RARB: variants seen among roughly 807,000 people sequenced by gnomAD.
The protein encoded by RARB is HBV-activated protein.
Under a neutral mutation model 51.9 loss-of-function variants are expected in RARB, and 17 were observed. The observed-to-expected ratio is 0.33, with a 90% CI of 0.22 to 0.49. The LOEUF (loss-of-function observed/expected upper bound fraction) is 0.49. Ranked by LOEUF, RARB falls within the 20% of genes least tolerant of loss-of-function variation. The pLI is 0.99. For synonymous variants in RARB, 215 were observed against 195.4 expected (o/e 1.10, Z -0.84); for missense variants, 369 against 550.8 (o/e 0.67, Z 3.30).
chr3:25,225,683 A>T (rs1019635852), intron 5 of RARB, among the ~76,000 whole-genome samples: 1 of 152,216 alleles, frequency 6.6e-6, no homozygotes, highest in African/African-American at 2.4e-5. Flanking sequence ...ATGCAATATG[A>T]CAACTGGGTG....
chr3:25,206,874 A>G (rs1010745280), intron 5 of RARB, among the ~76,000 whole-genome samples: 2 of 152,158 alleles, frequency 1.3e-5, no homozygotes, highest in Non-Finnish European at 2.9e-5. Context: ...GCTAGAATCA[A>G]TTGTTAGTGC....
intron 2 of RARB, among the ~76,000 whole-genome samples, chr3:25,498,037 T>C (rs1697126348): frequency 6.6e-6 from 1 of 152,208 alleles, no homozygotes; most frequent in Non-Finnish European, 1.5e-5. Flanking sequence ...GCTCCTGGCC[T>C]GCAGCAGACA....
chr3:25,192,146 G>A (rs759647612), intron 5 of RARB, among the ~76,000 whole-genome samples: 21 of 152,060 alleles, frequency 1.4e-4, no homozygotes, highest in Non-Finnish European at 2.9e-4. Context: ...ATGATGTTGT[G>A]AATATCAGAA....
At chr3:25,582,272 T>C (rs938151242) in intron 5 of RARB, among the ~76,000 whole-genome samples, 1 of 152,188 alleles carries the variant, frequency 6.6e-6, no homozygotes, top group Non-Finnish European at 1.5e-5. Context: ...CTCAGTAGAA[T>C]TTCCCCTAAA....
At chr3:25,074,457 A>T (rs75409596) in intron 3 of RARB, among the ~76,000 whole-genome samples, 2,602 of 152,270 alleles carry the variant, frequency 0.017, 37 homozygotes, top group Middle Eastern at 0.034. Flanking sequence ...CTCTGTTCAC[A>T]CTGTTACTTG....
At chr3:25,205,996 G>A (rs1046965246) in intron 5 of RARB, among the ~76,000 whole-genome samples, 2 of 152,154 alleles carry the variant, frequency 1.3e-5, no homozygotes, top group Non-Finnish European at 2.9e-5. Flanking sequence ...AGTGTTCCAA[G>A]CATGTTTAAG....
chr3:25,406,744 G>A (rs1157889358), intron 5 of RARB, among the ~76,000 whole-genome samples: 7 of 152,214 alleles, frequency 4.6e-5, no homozygotes, highest in East Asian at 1.9e-4. Flanking sequence ...GAGAAAGGGC[G>A]TGTGCCTTAA....
intron 5 of RARB, among the ~76,000 whole-genome samples, chr3:25,337,177 C>T (rs925913914): frequency 6.6e-6 from 1 of 152,114 alleles, no homozygotes; most frequent in Non-Finnish European, 1.5e-5. Flanking sequence ...ATGGATATGT[C>T]AACCACTATT....
rs1385452358 is a variant in RARB, at chr3:25,163,501, C to CAA, written c.-279-10615_-279-10614dup. On this transcript the variant is annotated intron_variant, in intron 4 of 11. Coordinates refer to the RARB transcript ENST00000383772. ...GCCTGAGCAGAATAAGACCCTATCTCAAAATATATATATATATATATATAT... is the reference window on the plus strand; with the variant it reads ...GCCTGAGCAGAATAAGACCCTATCTCAAAAAATATATATATATATATATATAT... 3.1e-3 allele frequency among the ~76,000 whole-genome samples: 243 copies of CAA among 78,640 alleles called. 1 individual carries two copies. Among genetic ancestry groups the CAA allele is most frequent in the African/African-American group, 7.8e-3 (137 of 17,646 alleles). The allele number at this position is 78,640 out of a possible 152,430, so 51.6% of individuals were successfully genotyped here. A position where few individuals can be genotyped will look rare whatever the true frequency, so the allele number is the denominator to read the frequency against.
At chr3:25,292,915 C>A (rs1175241612) in intron 5 of RARB, among the ~76,000 whole-genome samples, 1 of 152,168 alleles carries the variant, frequency 6.6e-6, no homozygotes, top group Non-Finnish European at 1.5e-5. Flanking sequence ...GTCTGTGAAA[C>A]TGAAGACGCT....
chr3:25,310,996 G>C (rs1704276352), intron 5 of RARB, among the ~76,000 whole-genome samples: 1 of 152,200 alleles, frequency 6.6e-6, no homozygotes, highest in Non-Finnish European at 1.5e-5. Flanking sequence ...GAACCTTCAA[G>C]TCCAATGGAA....
chr3:24,912,740 G>C (rs1040090491), intron 2 of RARB, among the ~76,000 whole-genome samples: 3 of 152,110 alleles, frequency 2.0e-5, no homozygotes, highest in Non-Finnish European at 2.9e-5. Context: ...ACTAAAGTTA[G>C]CATTCTATGA....
intron 5 of RARB, among the ~76,000 whole-genome samples, chr3:25,242,766 G>T (rs1222643438): frequency 6.6e-6 from 1 of 152,016 alleles, no homozygotes; most frequent in African/African-American, 2.4e-5. Context: ...TGTTCTTTTT[G>T]CTTAAGATTG....
At chr3:25,155,544 C>T (rs1233589457) in intron 4 of RARB, among the ~76,000 whole-genome samples, 5 of 152,218 alleles carry the variant, frequency 3.3e-5, no homozygotes, top group Non-Finnish European at 7.3e-5. Flanking sequence ...GGCAATATTA[C>T]TCTAACTCAC....
intron 5 of RARB, among the ~76,000 whole-genome samples, chr3:25,250,677 C>T (rs1387866554): frequency 6.6e-6 from 1 of 152,030 alleles, no homozygotes; most frequent in Non-Finnish European, 1.5e-5. Context: ...GCTGTTGGAC[C>T]CCAGGGTAGG....
intron 5 of RARB, among the ~76,000 whole-genome samples, chr3:25,294,413 C>T (rs1703866475): frequency 6.6e-6 from 1 of 152,130 alleles, no homozygotes; most frequent in Admixed American, 6.5e-5. Context: ...AAAATAAATG[C>T]CATTCCAGCT....
At chr3:25,284,554 A>T (rs1703603834) in intron 5 of RARB, among the ~76,000 whole-genome samples, 1 of 152,130 alleles carries the variant, frequency 6.6e-6, no homozygotes, top group East Asian at 1.9e-4. Flanking sequence ...ATTTAGCAGT[A>T]GCTAACTAAT....
At chr3:25,459,442 A>G (rs1317914076) in intron 1 of RARB, among the ~76,000 whole-genome samples, 1 of 152,334 alleles carries the variant, frequency 6.6e-6, no homozygotes, top group East Asian at 1.9e-4. Context: ...AGAACATACT[A>G]AGGAGTTTGA....
chr3:25,317,071 T>TTTTTATAAGTATTATAAGTATTATAAG (rs1704445766), intron 5 of RARB, among the ~76,000 whole-genome samples: 1 of 42,294 alleles, frequency 2.4e-5, no homozygotes, highest in Non-Finnish European at 5.7e-5. Flanking sequence ...AAGTATTTGA[T>TTTTTATAAGTATTATAAGTATTATAAG]TATTATAAGT....
Sources: gnomAD v4.1 joint callset for allele counts (sites outside exome capture counted in the v4.1 genomes callset) on GRCh38, gnomAD v4.1.1 for gene constraint, MANE v1.5 for transcripts, NCBI Gene and HGNC (gene_info 2026-07-23, HGNC 2026-07-21) for gene names.